The following INO80 variants were observed in gnomAD, a reference collection of about 807,000 sequenced individuals.
INO80 encodes the protein chromatin-remodeling ATPase INO80.
A neutral mutation model predicts 203.4 loss-of-function variants in INO80; 20 were observed. That is an observed-to-expected ratio of 0.10 (90% CI 0.07 to 0.14). INO80 has a LOEUF of 0.14. Among genes scored for constraint, INO80 ranks in the 10% least tolerant of loss-of-function variants. The pLI, the probability that INO80 is intolerant of heterozygous loss-of-function variation, is 1.00. For missense variants in INO80, 1,419 were observed against 1,914.4 expected (o/e 0.74, Z 4.83); for synonymous variants, 726 against 685.2 (o/e 1.06, Z -0.93).
chr15:41,005,818 T>TAAC, intron 27 of INO80, 131 bp from the exon 28 acceptor site: 1 of 525,970 alleles, frequency 1.9e-6, no homozygotes, highest in South Asian at 2.8e-5. Context: ...GGGGAGAGAG[T>TAAC]AACCCCAAGA....
chr15:41,111,619 A>G (rs1047636280), intron 1 of INO80, among the ~76,000 whole-genome samples: 8 of 151,816 alleles, frequency 5.3e-5, no homozygotes, highest in Non-Finnish European at 1.0e-4. Context: ...CCTAGCTAAC[A>G]TGGTGAAATC....
rs575697140 is a variant in INO80, at chr15:40,980,109, T to C, written c.*114A>G. The C allele has an allele frequency of 5.8e-6, 5 of 861,636 alleles. No individual in the cohort carries two copies. In the African/African-American group the frequency reaches 8.3e-5, roughly 14 times the overall value. 53.4% of individuals were successfully genotyped at this position (861,636 alleles called of 1,614,324 possible). A position where few individuals can be genotyped will look rare whatever the true frequency, so the allele number is the denominator to read the frequency against. ...TGCCTGTCCTTCCCCTGCTGGACAT[T>C]TCCACTTCTGACTCAGGATGCAAGA... On this transcript the variant is annotated 3_prime_UTR_variant, in exon 36 of 36. Transcript: ENST00000648947.
At position 40,979,723 on chromosome 15, in the gene INO80, G is replaced by A. The variant is rs1286122795; in HGVS notation, c.*500C>T. ...GCTCTCTCCAATGATGACACTCTGGGGTTCAGAGACCTGGGGAGCTGCCTG... is the reference window on the plus strand; with the variant it reads ...GCTCTCTCCAATGATGACACTCTGGAGTTCAGAGACCTGGGGAGCTGCCTG... On this transcript the variant is annotated 3_prime_UTR_variant, in exon 36 of 36. Transcript: ENST00000648947. 5.9e-6 allele frequency: 1 copy of A among 169,546 alleles called. No individual in the cohort carries two copies. Among genetic ancestry groups the A allele is most frequent in the Non-Finnish European group, 1.3e-5 (1 of 77,532 alleles). The allele number at this position is 169,546 out of a possible 1,614,324, so 10.5% of individuals were successfully genotyped here. A position where few individuals can be genotyped will look rare whatever the true frequency, so the allele number is the denominator to read the frequency against.
chr15:41,058,914 G>T, intron 15 of INO80, 133 bp from the exon 16 acceptor site: 1 of 790,238 alleles, frequency 1.3e-6, no homozygotes, highest in East Asian at 2.7e-5. Flanking sequence ...ATATGGTAGG[G>T]AGATGTGCAG....
In INO80 at chr15:41,056,665, C is replaced by T. The variant is rs777370386; in HGVS notation, c.2027G>A (p.Arg676Gln). Reference sequence around the variant, plus strand: ...AATTGGGGTCCCGGTTAGCAAAAGCCGATTCCGACACTGGAACTGTAAGAG... The same window carrying T: ...AATTGGGGTCCCGGTTAGCAAAAGCTGATTCCGACACTGGAACTGTAAGAG... ...KILLQFQCRN[R>Q]LLLTGTPIQN... The change falls in exon 17 of 36, where the codon CGG becomes CAG. Residue 676 changes from arginine (R) to glutamine (Q), a missense_variant. Physicochemically the swap from Arg to Gln is conservative, Grantham distance 43 (BLOSUM62 1). Around this residue, in one of 9 missense-constraint regions of INO80, gnomAD observed 192 missense variants for 406.7 expected, o/e 0.47. Coordinates refer to ENST00000648947, the MANE Select transcript of INO80 (RefSeq NM_017553.3). 1.9e-6 allele frequency: 3 copies of T among 1,614,086 alleles called. No homozygotes were observed. Among genetic ancestry groups the T allele is most frequent in the East Asian group, 2.2e-5 (1 of 44,886 alleles).
chr15:40,983,668 A>G, intron 34 of INO80, 94 bp downstream of exon 34: 2 of 1,064,294 alleles, frequency 1.9e-6, no homozygotes, highest in African/African-American at 3.2e-5. Context: ...GAATAAAAAT[A>G]CCATTATCCT....
chr15:41,057,700 G>C (rs1378220107), intron 16 of INO80, among the ~76,000 whole-genome samples: 3 of 150,564 alleles, frequency 2.0e-5, no homozygotes, highest in Non-Finnish European at 1.5e-5. Context: ...GGGAGGCTGA[G>C]GCAGGAGAAT....
intron 12 of INO80, among the ~76,000 whole-genome samples, chr15:41,071,628 A>ATTT (rs879445268): frequency 1.4e-5 from 2 of 142,310 alleles, no homozygotes; most frequent in South Asian, 2.2e-4. Flanking sequence ...CTAATTTTGT[A>ATTT]TTTTTTTTTT....
At chr15:40,985,653 T>G (rs1489073412) in intron 31 of INO80, among the ~76,000 whole-genome samples, 1 of 152,158 alleles carries the variant, frequency 6.6e-6, no homozygotes, top group Admixed American at 6.6e-5. Flanking sequence ...CTCACGTCTG[T>G]AATCCCAGCA....
At chr15:41,051,828 C>T (rs1184339108) in intron 19 of INO80, among the ~76,000 whole-genome samples, 1 of 152,004 alleles carries the variant, frequency 6.6e-6, no homozygotes, top group East Asian at 1.9e-4. Flanking sequence ...GTTAGTGGTA[C>T]ACACCTGTAG....
At chr15:41,082,362 G>A (rs1456979968) in intron 7 of INO80, among the ~76,000 whole-genome samples, 2 of 151,784 alleles carry the variant, frequency 1.3e-5, no homozygotes, top group Non-Finnish European at 2.9e-5. Context: ...CCAGGAGTTC[G>A]AGACTAGCCT....
intron 29 of INO80, among the ~76,000 whole-genome samples, chr15:40,995,845 A>C (rs1407142671): frequency 1.3e-5 from 2 of 152,208 alleles, no homozygotes; most frequent in Non-Finnish European, 2.9e-5. Flanking sequence ...CAGAGAACCC[A>C]CAGGAACAAC....
At position 41,013,714 on chromosome 15, in the gene INO80, A is replaced by G. The variant is rs1279438787; in HGVS notation, c.3402+2374T>C. ...TTAAGAAATTAAAGGAAGAACCATT[A>G]GTGTAGTATTAAGGAAACCAGAGAA... On this transcript the variant is annotated intron_variant, in intron 27 of 35. Transcript: ENST00000648947. Among the ~76,000 whole-genome samples the G allele has an allele frequency of 2.0e-5, 3 of 152,260 alleles. No homozygotes were observed. In the East Asian group the frequency reaches 5.8e-4, roughly 29 times the overall value.
chr15:41,060,817 C>CA (rs749518789), intron 14 of INO80, among the ~76,000 whole-genome samples: 4 of 151,870 alleles, frequency 2.6e-5, no homozygotes, highest in South Asian at 2.1e-4. Flanking sequence ...TTACTAGTGG[C>CA]AAAAAAACAC....
chr15:41,107,357 C>T (rs751820969), intron 1 of INO80, among the ~76,000 whole-genome samples: 12 of 151,496 alleles, frequency 7.9e-5, no homozygotes, highest in Non-Finnish European at 1.2e-4. Context: ...AAAAATTAGC[C>T]AGGCATTGTG....
intron 1 of INO80, among the ~76,000 whole-genome samples, chr15:41,105,624 A>AC (rs761951484): frequency 3.4e-4 from 51 of 152,118 alleles, no homozygotes; most frequent in Non-Finnish European, 6.3e-4. Flanking sequence ...ACGACATAAA[A>AC]CTATGCCACT....
At chr15:40,993,345 C>G (rs530350371) in intron 29 of INO80, among the ~76,000 whole-genome samples, 2 of 151,964 alleles carry the variant, frequency 1.3e-5, no homozygotes, top group Non-Finnish European at 2.9e-5. Flanking sequence ...TAGACTAAAC[C>G]TGAGATAGGC....
At chr15:41,086,715 A>C (rs1039717694) in intron 6 of INO80, among the ~76,000 whole-genome samples, 1 of 152,176 alleles carries the variant, frequency 6.6e-6, no homozygotes, top group African/African-American at 2.4e-5. Context: ...AGATAGTTTA[A>C]AACTTTCTCT....
rs916391238 is a variant in INO80 at position 41,036,271 on chromosome 15, T to C, written c.2908-8535A>G. On this transcript the variant is annotated intron_variant, in intron 24 of 35. Transcript: ENST00000648947. ...ATATCAAGTGTTTATTGTTTTAGTC[T>C]CTAGGTTTTAAGATAACATGTTATA... is the stretch of plus-strand genomic sequence containing the variant. 5.3e-5 allele frequency among the ~76,000 whole-genome samples: 8 copies of C among 151,138 alleles called. 1 individual carries two copies. The highest frequency in any genetic ancestry group is 4.6e-4 in the Admixed American group (7 of 15,118).
Sources: gnomAD v4.1 joint callset for allele counts (sites outside exome capture counted in the v4.1 genomes callset) on GRCh38, gnomAD v4.1.1 for gene constraint, gnomAD v4.1.1 regional missense constraint, MANE v1.5 for transcripts, NCBI Gene and HGNC (gene_info 2026-07-23, HGNC 2026-07-21) for gene names.